CCDC7: variants seen among roughly 807,000 people sequenced by gnomAD.
CCDC7 encodes the protein coiled-coil domain-containing protein 7.
A neutral mutation model predicts 196.9 loss-of-function variants in CCDC7; 183 were observed. That is an observed-to-expected ratio of 0.93 (90% CI 0.82 to 1.05). The LOEUF (loss-of-function observed/expected upper bound fraction) is 1.05. Among genes scored for constraint, CCDC7 ranks in the 50% least tolerant of loss-of-function variants. CCDC7 has a pLI of 0.00. For synonymous variants in CCDC7, 525 were observed against 484.6 expected (o/e 1.08, Z -1.10); for missense variants, 1,540 against 1,482.2 (o/e 1.04, Z -0.64).
chr10:32,734,666 G>A (rs1341488161), intron 28 of CCDC7, among the ~76,000 whole-genome samples: 4 of 152,102 alleles, frequency 2.6e-5, no homozygotes, highest in Non-Finnish European at 4.4e-5. Flanking sequence ...AGGCTGAGGC[G>A]GGCAGATTGC....
intron 29 of CCDC7, among the ~76,000 whole-genome samples, chr10:32,787,390 A>G (rs116911388): frequency 0.04 from 6,034 of 152,296 alleles, 127 homozygotes; most frequent in Middle Eastern, 0.051. Context: ...ACACATGAAA[A>G]TACCTTCACA....
At position 32,828,439 on chromosome 10, in the gene CCDC7, GAGAAGA is replaced by G. The variant is rs71030014; in HGVS notation, c.3268+3857_3268+3862del. ...AGGAGAAGAAGAAGAAGGAAGGAAG[GAGAAGA>G]AGAAGAAGAAGAAGAAGAAGAGGAA... is the stretch of plus-strand genomic sequence containing the variant. On this transcript the variant is annotated intron_variant, in intron 32 of 41. Transcript: ENST00000639629. Among the ~76,000 whole-genome samples, 210 of 56,814 alleles carry G rather than the reference GAGAAGA, an allele frequency of 3.7e-3. 9 individuals are homozygous for G. Among genetic ancestry groups the G allele is most frequent in the Middle Eastern group, 0.019 (2 of 106 alleles). 37.3% of individuals were successfully genotyped at this position (56,814 alleles called of 152,430 possible).
intron 28 of CCDC7, among the ~76,000 whole-genome samples, chr10:32,746,497 G>A (rs2074763017): frequency 6.6e-6 from 1 of 152,144 alleles, no homozygotes; most frequent in Non-Finnish European, 1.5e-5. Flanking sequence ...CTCAAGGCTT[G>A]CCATGCTTCT....
chr10:32,590,085 T>C (rs369746496), intron 18 of CCDC7, among the ~76,000 whole-genome samples: 21 of 152,268 alleles, frequency 1.4e-4, no homozygotes, highest in African/African-American at 3.6e-4. Flanking sequence ...TAAGGACTTA[T>C]TCTTGCCATT....
intron 41 of CCDC7, among the ~76,000 whole-genome samples, chr10:32,859,991 G>A (rs1053276414): frequency 6.6e-6 from 1 of 152,164 alleles, no homozygotes; most frequent in Non-Finnish European, 1.5e-5. Flanking sequence ...GGTACGAAGA[G>A]GAGCTGGTAC....
intron 13 of CCDC7, among the ~76,000 whole-genome samples, chr10:32,558,038 G>A (rs958903053): frequency 6.6e-6 from 1 of 152,106 alleles, no homozygotes; most frequent in Non-Finnish European, 1.5e-5. Flanking sequence ...TTTATTATGA[G>A]CATATTTTCC....
chr10:32,483,059 T>C (rs1472180344), intron 8 of CCDC7, among the ~76,000 whole-genome samples: 1 of 152,218 alleles, frequency 6.6e-6, no homozygotes, highest in Non-Finnish European at 1.5e-5. Flanking sequence ...TTCTAGATCC[T>C]TGAGGAATCA....
At chr10:32,559,211 G>A (rs1386882304) in intron 13 of CCDC7, among the ~76,000 whole-genome samples, 4 of 152,240 alleles carry the variant, frequency 2.6e-5, no homozygotes, top group Non-Finnish European at 4.4e-5. Flanking sequence ...AGGCCTGCCT[G>A]CCTGCCTCTG....
Position 32,667,563 on chromosome 10 carries a change from A to T in CCDC7, c.2122+3402A>T, listed in dbSNP as rs572627439. 3.9e-3 allele frequency among the ~76,000 whole-genome samples: 587 copies of T among 152,254 alleles called. 2 individuals are homozygous for T. The highest frequency in any genetic ancestry group is 5.5e-3 in the Non-Finnish European group (371 of 68,024). On this transcript the variant is annotated intron_variant, in intron 21 of 41. Transcript: ENST00000639629. Reference sequence around the variant, plus strand: ...TTTTTGTATAAGGTGTAAGGAAGGGATCCAGTTTCAGCTTTCTACATATGG... The same window carrying T: ...TTTTTGTATAAGGTGTAAGGAAGGGTTCCAGTTTCAGCTTTCTACATATGG...
At chr10:32,642,068 G>A (rs924980293) in intron 20 of CCDC7, among the ~76,000 whole-genome samples, 1 of 152,194 alleles carries the variant, frequency 6.6e-6, no homozygotes, top group African/African-American at 2.4e-5. Context: ...CCCTACTGGG[G>A]GGTGCCTCCC....
intron 26 of CCDC7, 141 bp downstream of exon 27, chr10:32,726,973 T>A: frequency 1.8e-6 from 1 of 545,902 alleles, no homozygotes; most frequent in Non-Finnish European, 3.1e-6. Context: ...TTAAGATAAG[T>A]AGAGAGCAAA....
chr10:32,493,281 A>G (rs2134551217), intron 9 of CCDC7, among the ~76,000 whole-genome samples: 1 of 151,754 alleles, frequency 6.6e-6, no homozygotes, highest in East Asian at 1.9e-4. Context: ...TCTGTACCTG[A>G]CTTCTTAGCA....
intron 17 of CCDC7, 73 bp downstream of exon 18, chr10:32,583,380 TA>T: frequency 1.0e-6 from 1 of 985,002 alleles, no homozygotes; most frequent in Non-Finnish European, 1.3e-6. Flanking sequence ...CTAACCCATT[TA>T]AATGGGTTAA....
intron 38 of CCDC7, among the ~76,000 whole-genome samples, 171 bp downstream of exon 39, chr10:32,848,087 GAAAGTTTTA>G (rs369799503): frequency 1.2e-3 from 182 of 152,230 alleles, no homozygotes; most frequent in Admixed American, 4.1e-3. Flanking sequence ...AAATTAGCTA[GAAAGTTTTA>G]AAACCTCTAG....
chr10:32,452,753 G>A (rs1025934721), intron 1 of CCDC7, among the ~76,000 whole-genome samples: 3 of 152,170 alleles, frequency 2.0e-5, no homozygotes, highest in African/African-American at 7.2e-5. Flanking sequence ...CACCATGCCT[G>A]GCTGAAACTT....
intron 36 of CCDC7, 40 bp downstream of exon 37, chr10:32,845,999 T>C: frequency 7.1e-7 from 1 of 1,408,088 alleles, no homozygotes; most frequent in Non-Finnish European, 1.0e-6. Context: ...TTTAGGCTTA[T>C]TTATATTCCC....
At chr10:32,658,447 C>G (rs540595819) in intron 20 of CCDC7, among the ~76,000 whole-genome samples, 1 of 117,898 alleles carries the variant, frequency 8.5e-6, no homozygotes, top group African/African-American at 3.7e-5. Flanking sequence ...CTTATAAAAC[C>G]ATTCATATCT....
chr10:32,677,083 G>A (rs1017772716), intron 21 of CCDC7, among the ~76,000 whole-genome samples: 3 of 151,214 alleles, frequency 2.0e-5, no homozygotes, highest in Non-Finnish European at 4.4e-5. Context: ...GATGAAATTG[G>A]AAATCATCAT....
At chr10:32,875,985 A>G (rs2094585358) in intron 41 of CCDC7, among the ~76,000 whole-genome samples, 1 of 151,998 alleles carries the variant, frequency 6.6e-6, no homozygotes, top group Non-Finnish European at 1.5e-5. Flanking sequence ...TCTCTGGGCT[A>G]GCAGCATGGG....
Sources: gnomAD v4.1 joint callset for allele counts (sites outside exome capture counted in the v4.1 genomes callset) on GRCh38, gnomAD v4.1.1 for gene constraint, MANE v1.5 for transcripts, NCBI Gene and HGNC (gene_info 2026-07-23, HGNC 2026-07-21) for gene names.